The following MAGI2 variants were observed in gnomAD, a reference collection of about 807,000 sequenced individuals.
MAGI2 encodes the protein membrane associated guanylate kinase, WW and PDZ domain containing 2, also known as membrane-associated guanylate kinase, WW and PDZ domain-containing protein 2.
In MAGI2, 35 loss-of-function variants were observed where a neutral mutation model predicts 133.3. The ratio of observed to expected loss-of-function variants is 0.26; its 90% CI spans 0.20 to 0.35. The LOEUF (loss-of-function observed/expected upper bound fraction) is 0.35. Ranked by LOEUF, MAGI2 falls within the 10% of genes least tolerant of loss-of-function variation. The probability of loss-of-function intolerance (pLI) is 1.00; values close to 1 mark genes in which losing one functional copy is unlikely to be tolerated. For synonymous variants in MAGI2, 729 were observed against 710.6 expected (o/e 1.03, Z -0.41); for missense variants, 1,636 against 1,863.4 (o/e 0.88, Z 2.25).
At chr7:79,165,122 A>C (rs1286310987) in intron 1 of MAGI2, among the ~76,000 whole-genome samples, 1 of 151,590 alleles carries the variant, frequency 6.6e-6, no homozygotes, top group Non-Finnish European at 1.5e-5. Context: ...CATCTTGTAG[A>C]TTTTACAAAG....
intron 2 of MAGI2, among the ~76,000 whole-genome samples, chr7:78,960,189 C>T (rs1366035382): frequency 6.6e-6 from 1 of 152,046 alleles, no homozygotes; most frequent in Admixed American, 6.6e-5. Flanking sequence ...GATAAAACTG[C>T]AGGAAAGGGA....
At chr7:78,515,300 A>G (rs1795944663) in intron 4 of MAGI2, among the ~76,000 whole-genome samples, 2 of 152,178 alleles carry the variant, frequency 1.3e-5, no homozygotes, top group Admixed American at 1.3e-4. Flanking sequence ...AAAGCTAGGG[A>G]GGCTGGCTAA....
chr7:78,341,058 C>T (rs918759255), intron 9 of MAGI2, among the ~76,000 whole-genome samples: 5 of 152,088 alleles, frequency 3.3e-5, no homozygotes, highest in Non-Finnish European at 5.9e-5. Context: ...TTAGAAAACC[C>T]CATCGTCTCA....
chr7:78,840,661 T>C (rs957627355), intron 2 of MAGI2, among the ~76,000 whole-genome samples: 3 of 152,040 alleles, frequency 2.0e-5, no homozygotes, highest in Non-Finnish European at 4.4e-5. Context: ...CCTTTTTGTC[T>C]TGGGGGCTCT....
intron 2 of MAGI2, among the ~76,000 whole-genome samples, chr7:78,871,393 T>C (rs565649992): frequency 1.3e-5 from 2 of 152,186 alleles, no homozygotes; most frequent in Non-Finnish European, 2.9e-5. Flanking sequence ...AGTACAGTGT[T>C]CACTGCTCAG....
intron 3 of MAGI2, among the ~76,000 whole-genome samples, chr7:78,538,079 T>G (rs1353370980): frequency 6.6e-6 from 1 of 152,170 alleles, no homozygotes; most frequent in African/African-American, 2.4e-5. Context: ...ATTTGTTGAA[T>G]AGGATGCCCT....
intron 3 of MAGI2, among the ~76,000 whole-genome samples, chr7:78,589,709 C>G (rs371154364): frequency 2.0e-5 from 3 of 152,148 alleles, no homozygotes; most frequent in Non-Finnish European, 4.4e-5. Flanking sequence ...GCTCCATGCA[C>G]GTAGCCATGG....
intron 9 of MAGI2, among the ~76,000 whole-genome samples, chr7:78,319,146 G>A (rs532812529): frequency 5.3e-5 from 8 of 152,276 alleles, no homozygotes; most frequent in African/African-American, 1.7e-4. Flanking sequence ...TGGACTAAAT[G>A]CCCCAATTAA....
intron 1 of MAGI2, among the ~76,000 whole-genome samples, chr7:79,094,128 A>T (rs1817320746): frequency 6.6e-6 from 1 of 152,200 alleles, no homozygotes; most frequent in African/African-American, 2.4e-5. Context: ...CTTCTTTCAA[A>T]ATTGAAGTAA....
intron 10 of MAGI2, among the ~76,000 whole-genome samples, chr7:78,204,991 C>T (rs1402025979): frequency 6.6e-6 from 1 of 152,136 alleles, no homozygotes; most frequent in Non-Finnish European, 1.5e-5. Context: ...CATCTAAGAG[C>T]ATAGTGAGAT....
chr7:78,938,089 A>G (rs1178290967), intron 2 of MAGI2, among the ~76,000 whole-genome samples: 1 of 152,146 alleles, frequency 6.6e-6, no homozygotes, highest in African/African-American at 2.4e-5. Flanking sequence ...AGAGATGGTG[A>G]TGATATTTCT....
intron 3 of MAGI2, among the ~76,000 whole-genome samples, chr7:78,548,625 G>A (rs1799073309): frequency 6.6e-6 from 1 of 152,196 alleles, no homozygotes; most frequent in Non-Finnish European, 1.5e-5. Flanking sequence ...AACCTGGGAG[G>A]TGGAGGTTGT....
intron 7 of MAGI2, among the ~76,000 whole-genome samples, chr7:78,366,117 GAT>G (rs1331699448): frequency 2.6e-5 from 4 of 152,092 alleles, no homozygotes; most frequent in African/African-American, 9.7e-5. Context: ...ACATAAGAAT[GAT>G]AGCTGTACAG....
At chr7:78,674,840 C>T (rs1326853957) in intron 2 of MAGI2, among the ~76,000 whole-genome samples, 1 of 151,998 alleles carries the variant, frequency 6.6e-6, no homozygotes, top group East Asian at 1.9e-4. Context: ...ATTGAAATGG[C>T]ATGACTATAT....
chr7:78,588,329 T>C (rs372816222), intron 3 of MAGI2, among the ~76,000 whole-genome samples: 1 of 152,234 alleles, frequency 6.6e-6, no homozygotes, highest in Non-Finnish European at 1.5e-5. Context: ...TGTATGTGTA[T>C]GGGTTCTCCC....
At chr7:79,372,784 T>C (rs1159013942) in intron 1 of MAGI2, among the ~76,000 whole-genome samples, 3 of 152,046 alleles carry the variant, frequency 2.0e-5, no homozygotes, top group East Asian at 1.9e-4. Context: ...GGAAGTACTG[T>C]TTAGTCAAGA....
intron 6 of MAGI2, among the ~76,000 whole-genome samples, chr7:78,401,667 A>T (rs920531298): frequency 6.6e-6 from 1 of 152,182 alleles, no homozygotes; most frequent in Admixed American, 6.5e-5. Flanking sequence ...ATGTGCTTAT[A>T]GTTCCTTCTC....
At chr7:78,046,104 T>C (rs1262869941) in intron 21 of MAGI2, among the ~76,000 whole-genome samples, 1 of 151,778 alleles carries the variant, frequency 6.6e-6, no homozygotes, top group East Asian at 1.9e-4. Flanking sequence ...GGACCAGAAA[T>C]AGGAATGTGG....
At chr7:78,601,660 G>A (rs1440697735) in intron 3 of MAGI2, among the ~76,000 whole-genome samples, 1 of 151,984 alleles carries the variant, frequency 6.6e-6, no homozygotes, top group Non-Finnish European at 1.5e-5. Flanking sequence ...GTAATTCGAT[G>A]GCTCAATGTT....
Sources: gnomAD v4.1 joint callset for allele counts (sites outside exome capture counted in the v4.1 genomes callset) on GRCh38, gnomAD v4.1.1 for gene constraint, MANE v1.5 for transcripts, NCBI Gene and HGNC (gene_info 2026-07-23, HGNC 2026-07-21) for gene names.